The following MACROD2 variants were observed in gnomAD, a reference collection of about 807,000 sequenced individuals.
MACROD2 encodes mono-ADP ribosylhydrolase 2, also known as ADP-ribose glycohydrolase MACROD2.
A neutral mutation model predicts 70.4 loss-of-function variants in MACROD2; 36 were observed. The ratio of observed to expected loss-of-function variants is 0.51; its 90% CI spans 0.39 to 0.68. The LOEUF is 0.68. MACROD2 is among the 30% of genes least tolerant of loss of function. MACROD2 has a pLI of 0.00. For synonymous variants in MACROD2, 172 were observed against 178.8 expected, an observed-to-expected ratio of 0.96 and a Z score of 0.30; for missense variants, 496 against 538.4, an observed-to-expected ratio of 0.92 and a Z score of 0.78.
intron 3 of MACROD2, among the ~76,000 whole-genome samples, chr20:14,355,918 AT>A: frequency 6.6e-6 from 1 of 152,206 alleles, no homozygotes; most frequent in South Asian, 2.1e-4. Flanking sequence ...GGAGTAGAAC[AT>A]TTGGTAGTGT....
At chr20:14,296,702 T>A (rs1294211626) in intron 3 of MACROD2, among the ~76,000 whole-genome samples, 2 of 152,026 alleles carry the variant, frequency 1.3e-5, no homozygotes, top group Non-Finnish European at 2.9e-5. Context: ...GGTCAAAGAT[T>A]GTAATTACAA....
chr20:14,457,270 G>A (rs929026939), intron 3 of MACROD2, among the ~76,000 whole-genome samples: 5 of 151,996 alleles, frequency 3.3e-5, no homozygotes, highest in African/African-American at 1.2e-4. Context: ...TTTTGATTCT[G>A]AATGATGATC....
At chr20:15,606,662 C>T (rs1040417556) in intron 8 of MACROD2, among the ~76,000 whole-genome samples, 2 of 152,108 alleles carry the variant, frequency 1.3e-5, no homozygotes, top group African/African-American at 2.4e-5. Context: ...AATGCTTAAT[C>T]CAGAAGGAAA....
chr20:14,500,071 T>TA (rs1211052594), intron 4 of MACROD2, among the ~76,000 whole-genome samples: 4 of 151,916 alleles, frequency 2.6e-5, no homozygotes, highest in Admixed American at 1.3e-4. Context: ...GAATGATGAG[T>TA]AGTAGTTTTC....
intron 5 of MACROD2, among the ~76,000 whole-genome samples, chr20:14,750,893 C>G (rs2071861132): frequency 6.6e-6 from 1 of 151,942 alleles, no homozygotes; most frequent in Non-Finnish European, 1.5e-5. Flanking sequence ...AATATGTCTG[C>G]TTTTACTTAT....
intron 5 of MACROD2, among the ~76,000 whole-genome samples, chr20:14,901,631 G>C (rs1248101337): frequency 6.6e-6 from 1 of 152,084 alleles, no homozygotes; most frequent in African/African-American, 2.4e-5. Context: ...GTTACAATAT[G>C]CTGTATATTT....
At chr20:15,309,186 G>A (rs550684276) in intron 6 of MACROD2, among the ~76,000 whole-genome samples, 1 of 152,248 alleles carries the variant, frequency 6.6e-6, no homozygotes, top group East Asian at 1.9e-4. Flanking sequence ...ACAAACTCAT[G>A]TGTTCAACAA....
At chr20:15,933,168 G>A in intron 10 of MACROD2, 108 bp from the exon 11 acceptor site, 1 of 1,034,724 alleles carries the variant, frequency 9.7e-7, no homozygotes, top group Non-Finnish European at 1.4e-6. Flanking sequence ...TTTATGGGGA[G>A]TCATGCTACA....
intron 4 of MACROD2, among the ~76,000 whole-genome samples, chr20:14,654,777 CAA>C (rs1362471710): frequency 6.6e-6 from 1 of 152,096 alleles, no homozygotes; most frequent in Non-Finnish European, 1.5e-5. Context: ...TGTAGAAAAA[CAA>C]GAGCTCTCTA....
At chr20:15,013,555 A>G (rs529919722) in intron 5 of MACROD2, among the ~76,000 whole-genome samples, 1 of 152,186 alleles carries the variant, frequency 6.6e-6, no homozygotes, top group Non-Finnish European at 1.5e-5. Flanking sequence ...CATAATCCAT[A>G]TCCAGTGACT....
intron 2 of MACROD2, among the ~76,000 whole-genome samples, chr20:14,027,217 ATC>A (rs931602704): frequency 6.6e-6 from 1 of 151,606 alleles, no homozygotes; most frequent in African/African-American, 2.4e-5. Context: ...TTGATCTTCA[ATC>A]TCTGATATCC....
intron 5 of MACROD2, among the ~76,000 whole-genome samples, chr20:15,191,763 G>C (rs1403723946): frequency 6.6e-6 from 1 of 152,134 alleles, no homozygotes; most frequent in Non-Finnish European, 1.5e-5. Flanking sequence ...GCCTTTCTGA[G>C]CATTGCACAG....
At chr20:14,841,556 C>T (rs1318092600) in intron 5 of MACROD2, among the ~76,000 whole-genome samples, 1 of 151,942 alleles carries the variant, frequency 6.6e-6, no homozygotes, top group East Asian at 1.9e-4. Flanking sequence ...AAAGGCAGCC[C>T]TTGCCACATA....
At chr20:15,237,507 C>G (rs1026168527) in intron 6 of MACROD2, among the ~76,000 whole-genome samples, 2 of 141,066 alleles carry the variant, frequency 1.4e-5, no homozygotes, top group African/African-American at 5.4e-5. Flanking sequence ...TTATGGCACT[C>G]TATTGATTTT....
chr20:15,011,809 G>A (rs2075084591), intron 5 of MACROD2, among the ~76,000 whole-genome samples: 1 of 152,182 alleles, frequency 6.6e-6, no homozygotes, highest in African/African-American at 2.4e-5. Flanking sequence ...GGTTGGTCAT[G>A]TGTTTTTAGC....
chr20:15,589,669 C>G (rs2048651806), intron 8 of MACROD2, among the ~76,000 whole-genome samples: 2 of 152,220 alleles, frequency 1.3e-5, no homozygotes, highest in African/African-American at 2.4e-5. Flanking sequence ...CCTCTGTGCT[C>G]TGCCTACTCA....
intron 7 of MACROD2, among the ~76,000 whole-genome samples, chr20:15,443,001 T>A (rs950959598): frequency 5.3e-5 from 8 of 152,148 alleles, no homozygotes; most frequent in Admixed American, 2.0e-4. Flanking sequence ...ATTGTTTACA[T>A]TTTTTGGTAC....
At chr20:14,817,024 TC>T (rs1228717915) in intron 5 of MACROD2, among the ~76,000 whole-genome samples, 1 of 152,124 alleles carries the variant, frequency 6.6e-6, no homozygotes, top group Non-Finnish European at 1.5e-5. Context: ...TGAATGCTTA[TC>T]ACTGAGCAAT....
chr20:14,289,114 C>T (rs1020281672), intron 3 of MACROD2, among the ~76,000 whole-genome samples: 1 of 152,124 alleles, frequency 6.6e-6, no homozygotes, highest in Non-Finnish European at 1.5e-5. Context: ...TTGACTGCAA[C>T]AGTATTAGTC....
Sources: gnomAD v4.1 joint callset for allele counts (sites outside exome capture counted in the v4.1 genomes callset) on GRCh38, gnomAD v4.1.1 for gene constraint, MANE v1.5 for transcripts, NCBI Gene and HGNC (gene_info 2026-07-23, HGNC 2026-07-21) for gene names.